FOXP1: variants seen among roughly 807,000 people sequenced by gnomAD.
The protein encoded by FOXP1 is forkhead box protein P1.
A neutral mutation model predicts 98.2 loss-of-function variants in FOXP1; 15 were observed. The observed-to-expected ratio is 0.15, with a 90% CI of 0.10 to 0.24. FOXP1 has a LOEUF of 0.24. Among genes scored for constraint, FOXP1 ranks in the 10% least tolerant of loss-of-function variants. The pLI is 1.00. For synonymous variants in FOXP1, 371 were observed against 314.5 expected (o/e 1.18, Z -1.90); for missense variants, 633 against 848.5 (o/e 0.75, Z 3.15).
chr3:71,411,376 G>A (rs1577362055), intron 3 of FOXP1, among the ~76,000 whole-genome samples: 3 of 151,702 alleles, frequency 2.0e-5, no homozygotes, highest in Admixed American at 1.3e-4. Context: ...GTGCAGTGGC[G>A]CGATATGGGC....
intron 13 of FOXP1, among the ~76,000 whole-genome samples, chr3:70,999,110 GA>G (rs1472510902): frequency 1.3e-5 from 2 of 151,652 alleles, no homozygotes; most frequent in Non-Finnish European, 2.9e-5. Flanking sequence ...TTTTTTTTGA[GA>G]TGGAGTCTCA....
chr3:71,208,938 C>A (rs1013002666), intron 5 of FOXP1, among the ~76,000 whole-genome samples: 3 of 152,122 alleles, frequency 2.0e-5, no homozygotes, highest in Admixed American at 6.5e-5. Context: ...TGCTGACCAC[C>A]ATGAAATCAA....
chr3:71,093,273 G>A (rs1444210659), intron 7 of FOXP1, among the ~76,000 whole-genome samples: 57 of 133,574 alleles, frequency 4.3e-4, no homozygotes, highest in Non-Finnish European at 2.5e-4. Flanking sequence ...AAATAAAAAT[G>A]AAAAAAAAAA....
chr3:71,051,310 C>T (rs951818322), intron 9 of FOXP1, among the ~76,000 whole-genome samples: 2 of 152,194 alleles, frequency 1.3e-5, no homozygotes, highest in Admixed American at 6.5e-5. Context: ...CACCTCCTCC[C>T]CTTCACCCCA....
intron 13 of FOXP1, among the ~76,000 whole-genome samples, chr3:70,996,009 G>A (rs958978050): frequency 6.6e-6 from 1 of 152,114 alleles, no homozygotes; most frequent in African/African-American, 2.4e-5. Context: ...TTCTTGAGAT[G>A]GAGTTTTGCT....
At chr3:71,351,551 A>G (rs1172384210) in intron 4 of FOXP1, among the ~76,000 whole-genome samples, 1 of 152,250 alleles carries the variant, frequency 6.6e-6, no homozygotes, top group Non-Finnish European at 1.5e-5. Flanking sequence ...TAAACCTATA[A>G]TTCTACTGAC....
rs1364935777 is a variant in FOXP1, at chr3:71,397,054, ATATATGTG to A, written c.-167-37818_-167-37811del. 2.8e-5 allele frequency among the ~76,000 whole-genome samples: 3 copies of A among 107,308 alleles called. 1 individual carries two copies. In the South Asian group the frequency reaches 8.5e-4, roughly 31 times the overall value. The allele number at this position is 107,308 out of a possible 152,430, so 70.4% of individuals were successfully genotyped here. A position where few individuals can be genotyped will look rare whatever the true frequency, so the allele number is the denominator to read the frequency against. On this transcript the variant is annotated intron_variant, in intron 3 of 20. Transcript: ENST00000649528. Reference sequence around the variant, plus strand: ...TATATGTGTATATATATATACACATATATATGTGTATATATATATACATATATATGTGT... The same window carrying A: ...TATATGTGTATATATATATACACATATATATATATATACATATATATGTGT...
chr3:71,456,345 A>G (rs563795988), intron 3 of FOXP1, among the ~76,000 whole-genome samples: 2 of 152,350 alleles, frequency 1.3e-5, no homozygotes, highest in African/African-American at 2.4e-5. Flanking sequence ...GTTACTTTCA[A>G]TATTGCAGAA....
intron 5 of FOXP1, among the ~76,000 whole-genome samples, chr3:71,267,133 GT>G (rs2069766768): frequency 6.6e-6 from 1 of 151,978 alleles, no homozygotes; most frequent in African/African-American, 2.4e-5. Flanking sequence ...GAGTGTGTGT[GT>G]GTGTGTGTGT....
intron 5 of FOXP1, among the ~76,000 whole-genome samples, chr3:71,296,950 A>G (rs1406802311): frequency 6.6e-6 from 1 of 152,192 alleles, no homozygotes; most frequent in Non-Finnish European, 1.5e-5. Context: ...GAAGCTTCCT[A>G]AGGTCCTTAC....
At position 71,119,312 on chromosome 3, in the gene FOXP1, C is replaced by T. The variant is rs1239924800; in HGVS notation, c.181-6675G>A. On this transcript the variant is annotated intron_variant, in intron 6 of 20. Coordinates refer to ENST00000649528, the MANE Select transcript of FOXP1 (RefSeq NM_001349338.3). ...AGCATGTGCCTTATTGGTGGCCAGT[C>T]GAGAGTTGGTTATTTCCTGTCTGCC... Among the ~76,000 whole-genome samples the T allele has an allele frequency of 3.3e-5, 5 of 152,242 alleles. No individual in the cohort carries two copies. In the East Asian group the frequency reaches 7.7e-4, roughly 24 times the overall value.
chr3:71,104,870 T>C (rs1205371743), intron 7 of FOXP1, among the ~76,000 whole-genome samples: 1 of 152,236 alleles, frequency 6.6e-6, no homozygotes, highest in Non-Finnish European at 1.5e-5. Context: ...ATGATGTTTC[T>C]GGAGCATTAA....
intron 4 of FOXP1, among the ~76,000 whole-genome samples, chr3:71,328,968 T>C (rs1475597910): frequency 2.7e-5 from 2 of 74,014 alleles, no homozygotes; most frequent in African/African-American, 9.2e-5. Context: ...CGAAACTCCA[T>C]CTCGCTAAAA....
chr3:71,221,593 C>T (rs1345527547), intron 5 of FOXP1, among the ~76,000 whole-genome samples: 1 of 152,202 alleles, frequency 6.6e-6, no homozygotes, highest in East Asian at 1.9e-4. Context: ...TTATATTCTT[C>T]CAGCACCAAC....
intron 4 of FOXP1, among the ~76,000 whole-genome samples, chr3:71,313,670 C>CA (rs1261608961): frequency 2.0e-5 from 3 of 151,872 alleles, no homozygotes; most frequent in Admixed American, 2.0e-4. Flanking sequence ...GGACTACAGG[C>CA]ACCAGCCACC....
chr3:71,352,681 T>C (rs1349498690), intron 4 of FOXP1, among the ~76,000 whole-genome samples: 1 of 152,154 alleles, frequency 6.6e-6, no homozygotes, highest in Non-Finnish European at 1.5e-5. Context: ...CTTAGAATCA[T>C]GTCTGGCATA....
chr3:71,345,467 A>G (rs937517079), intron 4 of FOXP1, among the ~76,000 whole-genome samples: 11 of 150,722 alleles, frequency 7.3e-5, no homozygotes, highest in Admixed American at 1.3e-4. Flanking sequence ...AAAGATCAAA[A>G]CCTGGTTTCC....
chr3:71,223,470 T>C (rs1220945286), intron 5 of FOXP1, among the ~76,000 whole-genome samples: 1 of 151,882 alleles, frequency 6.6e-6, no homozygotes, highest in Non-Finnish European at 1.5e-5. Flanking sequence ...CTAAGGTGGG[T>C]GGATCACAAG....
chr3:70,966,988 C>T (rs182018734), intron 19 of FOXP1, among the ~76,000 whole-genome samples: 76 of 152,278 alleles, frequency 5.0e-4, no homozygotes, highest in African/African-American at 1.8e-3. Flanking sequence ...GTGGTGATTA[C>T]GACCCACTGA....
Sources: allele counts gnomAD v4.1 joint callset (sites outside exome capture counted in the v4.1 genomes callset), GRCh38; gene constraint gnomAD v4.1.1; transcripts MANE v1.5; gene names NCBI Gene and HGNC (gene_info 2026-07-23, HGNC 2026-07-21).